Variants in PRKX observed in about 807,000 individuals in gnomAD.
PRKX encodes the protein protein kinase cAMP-dependent X-linked catalytic subunit.
In PRKX, 12 loss-of-function variants were observed where a neutral mutation model predicts 22.0. The ratio of observed to expected loss-of-function variants is 0.54; its 90% CI spans 0.35 to 0.88. The LOEUF (loss-of-function observed/expected upper bound fraction) is 0.88. PRKX is among the 40% of genes least tolerant of loss of function. The pLI, the probability that PRKX is intolerant of heterozygous loss-of-function variation, is 0.01. For missense variants in PRKX, 217 were observed against 308.0 expected (o/e 0.70, Z 2.21); for synonymous variants, 134 against 137.7 (o/e 0.97, Z 0.19).
intron 1 of PRKX, among the ~76,000 whole-genome samples, chrX:3,707,712 C>T (rs1928712428): frequency 9.0e-6 from 1 of 111,566 alleles, no homozygotes; most frequent in Non-Finnish European, 1.9e-5. Context: ...ACCGGCAGGA[C>T]TTCTATCCTT....
At chrX:3,615,011 ATTTTT>A (rs761643511) in intron 7 of PRKX, among the ~76,000 whole-genome samples, 11 of 59,753 alleles carry the variant, frequency 1.8e-4, no homozygotes, top group South Asian at 1.2e-3. Context: ...AAAATGCCAG[ATTTTT>A]TTTTTTTTTT....
intron 4 of PRKX, among the ~76,000 whole-genome samples, chrX:3,636,449 T>C (rs1438149553): frequency 8.9e-6 from 1 of 112,418 alleles, no homozygotes; most frequent in Non-Finnish European, 1.9e-5. Context: ...TGCTAATCAG[T>C]ATAAAGAAAA....
chrX:3,616,719 T>C (rs951367745), intron 6 of PRKX, among the ~76,000 whole-genome samples: 3 of 112,253 alleles, frequency 2.7e-5, no homozygotes, highest in Non-Finnish European at 5.6e-5. Flanking sequence ...GAAACAGTAA[T>C]GTGAATTTTT....
At chrX:3,661,832 T>C (rs998097099) in intron 2 of PRKX, among the ~76,000 whole-genome samples, 1 of 111,704 alleles carries the variant, frequency 9.0e-6, no homozygotes, top group South Asian at 3.8e-4. Flanking sequence ...ATGATTCCAG[T>C]TACCTGAGGG....
At chrX:3,658,710 C>A (rs1031353025) in intron 2 of PRKX, among the ~76,000 whole-genome samples, 1 of 110,806 alleles carries the variant, frequency 9.0e-6, no homozygotes, top group Non-Finnish European at 1.9e-5. Context: ...TCAACCATGA[C>A]CAGGACCCGT....
chrX:3,649,846 A>G (rs1403520600), intron 3 of PRKX, among the ~76,000 whole-genome samples: 10 of 91,539 alleles, frequency 1.1e-4, no homozygotes, highest in African/African-American at 1.6e-4. Flanking sequence ...GGAAGGAAGG[A>G]AGGGAGGGAG....
chrX:3,630,453 A>G (rs1054773632), intron 4 of PRKX, among the ~76,000 whole-genome samples: 9 of 111,518 alleles, frequency 8.1e-5, no homozygotes, highest in South Asian at 3.8e-4. Context: ...CCAGCCACTC[A>G]GGAGGCTGAG....
At chrX:3,615,055 G>A (rs1465140056) in intron 7 of PRKX, among the ~76,000 whole-genome samples, 1 of 81,076 alleles carries the variant, frequency 1.2e-5, no homozygotes, top group Non-Finnish European at 2.2e-5. Flanking sequence ...GTCTGGCTCT[G>A]TCGCCCAGGC....
intron 1 of PRKX, among the ~76,000 whole-genome samples, chrX:3,677,579 G>C (rs1927990643): frequency 1.8e-5 from 2 of 111,153 alleles, no homozygotes; most frequent in African/African-American, 6.5e-5. Context: ...CCTTCCAAGA[G>C]TCTGGAATGC....
chrX:3,707,716 T>C (rs1351183536), intron 1 of PRKX, among the ~76,000 whole-genome samples: 1 of 111,901 alleles, frequency 8.9e-6, no homozygotes, highest in Non-Finnish European at 1.9e-5. Flanking sequence ...GCAGGACTTC[T>C]ATCCTTGGAA....
At chrX:3,658,641 T>G (rs1295971698) in intron 2 of PRKX, among the ~76,000 whole-genome samples, 3 of 110,670 alleles carry the variant, frequency 2.7e-5, no homozygotes, top group Non-Finnish European at 5.7e-5. Context: ...CGTGTTCCCA[T>G]GAGCACATGA....
intron 4 of PRKX, among the ~76,000 whole-genome samples, chrX:3,640,073 C>A (rs1447068134): frequency 9.0e-6 from 1 of 110,780 alleles, no homozygotes; most frequent in Non-Finnish European, 1.9e-5. Context: ...TCTTTACCCC[C>A]TGCAGGGAAT....
Position 3,643,895 on chromosome X carries a change from C to T in PRKX, c.600-1924G>A, listed in dbSNP as rs1603473835. On this transcript the variant is annotated intron_variant, in intron 3 of 8. Coordinates refer to ENST00000262848, the MANE Select transcript of PRKX (RefSeq NM_005044.5). ...CGCACTGTTTGCAGTGGTGTGGGCACGTATCTTGGCTTCAGCTCCTCAGCT... is the reference window on the plus strand; with the variant it reads ...CGCACTGTTTGCAGTGGTGTGGGCATGTATCTTGGCTTCAGCTCCTCAGCT... 2.7e-5 allele frequency among the ~76,000 whole-genome samples: 3 copies of T among 110,235 alleles called. No homozygotes were observed. The South Asian group carries it at 1.2e-3, about 44-fold the overall frequency.
intron 5 of PRKX, among the ~76,000 whole-genome samples, chrX:3,621,766 A>G (rs984824908): frequency 9.0e-5 from 10 of 111,705 alleles, no homozygotes; most frequent in African/African-American, 2.9e-4. Context: ...CCATAAGCAC[A>G]CACATTAGGA....
intron 1 of PRKX, among the ~76,000 whole-genome samples, chrX:3,706,589 G>A (rs1291683340): frequency 1.8e-5 from 2 of 112,159 alleles, no homozygotes; most frequent in East Asian, 2.8e-4. Flanking sequence ...GGGCTCAAGC[G>A]ATTCTCATGC....
intron 4 of PRKX, among the ~76,000 whole-genome samples, chrX:3,640,718 C>G (rs1927061250): frequency 9.0e-6 from 1 of 111,230 alleles, no homozygotes; most frequent in South Asian, 3.8e-4. Context: ...GGCTGCACTC[C>G]CAGACGGTTA....
At chrX:3,652,200 C>G (rs1442950103) in intron 3 of PRKX, among the ~76,000 whole-genome samples, 1 of 110,488 alleles carries the variant, frequency 9.1e-6, no homozygotes. Context: ...GGGCGCATCA[C>G]AAGGTCAGGA....
At chrX:3,677,327 C>CTTT (rs532175668) in intron 1 of PRKX, among the ~76,000 whole-genome samples, 1 of 90,678 alleles carries the variant, frequency 1.1e-5, no homozygotes, top group Non-Finnish European at 2.2e-5. Context: ...ATTGTTTTGT[C>CTTT]TTTTTTTTTT....
chrX:3,688,939 C>G (rs749040145), intron 1 of PRKX, among the ~76,000 whole-genome samples: 28 of 109,800 alleles, frequency 2.6e-4, no homozygotes, highest in Non-Finnish European at 5.3e-4. Context: ...TGAGAAAGGA[C>G]TTTGGAGAAA....
Sources: allele counts gnomAD v4.1 joint callset (sites outside exome capture counted in the v4.1 genomes callset), GRCh38; gene constraint gnomAD v4.1.1; transcripts MANE v1.5; gene names NCBI Gene and HGNC (gene_info 2026-07-23, HGNC 2026-07-21).